The following ANO4 variants were observed in gnomAD, a reference collection of about 807,000 sequenced individuals.
ANO4 encodes the protein anoctamin-4.
In ANO4, 69 loss-of-function variants were observed where a neutral mutation model predicts 141.9. The observed-to-expected ratio is 0.49, with a 90% CI of 0.40 to 0.59. The LOEUF (loss-of-function observed/expected upper bound fraction) is 0.59. Among genes scored for constraint, ANO4 ranks in the 20% least tolerant of loss-of-function variants. The pLI, the probability that ANO4 is intolerant of heterozygous loss-of-function variation, is 0.00. For synonymous variants in ANO4, 350 were observed against 394.3 expected (o/e 0.89, Z 1.33); for missense variants, 894 against 1,162.2 (o/e 0.77, Z 3.36).
At chr12:100,964,734 C>T (rs756786996) in intron 5 of ANO4, among the ~76,000 whole-genome samples, 1 of 152,186 alleles carries the variant, frequency 6.6e-6, no homozygotes, top group Non-Finnish European at 1.5e-5. Context: ...TGCTCTCTCC[C>T]TGTGTAATAG....
At chr12:100,818,735 A>G (rs563196715) in intron 1 of ANO4, among the ~76,000 whole-genome samples, 1 of 151,990 alleles carries the variant, frequency 6.6e-6, no homozygotes, top group East Asian at 1.9e-4. Flanking sequence ...GTAGTTCTCA[A>G]CAAATCGTGA....
At chr12:101,080,886 T>TAC (rs1469769311) in intron 15 of ANO4, among the ~76,000 whole-genome samples, 1 of 131,408 alleles carries the variant, frequency 7.6e-6, no homozygotes, top group African/African-American at 2.8e-5. Flanking sequence ...ATATATATTA[T>TAC]ATATATATAT....
intron 1 of ANO4, among the ~76,000 whole-genome samples, chr12:100,818,789 T>G (rs1565903229): frequency 6.6e-6 from 1 of 151,906 alleles, no homozygotes; most frequent in East Asian, 1.9e-4. Context: ...GAGATATTTT[T>G]GATTGTCATA....
intron 3 of ANO4, among the ~76,000 whole-genome samples, chr12:100,754,701 G>A (rs556527123): frequency 2.6e-5 from 4 of 152,232 alleles, no homozygotes; most frequent in South Asian, 4.2e-4. Context: ...ACAAAATGTG[G>A]TATAATATAT....
chr12:100,778,312 G>T (rs1194122630), intron 3 of ANO4, among the ~76,000 whole-genome samples: 1 of 152,160 alleles, frequency 6.6e-6, no homozygotes, highest in African/African-American at 2.4e-5. Context: ...ACAAGTGGGG[G>T]TGAATGTATG....
rs73379494 is a variant in ANO4 at position 101,102,175 on chromosome 12, C to A, written c.2149+2455C>A. ...CAAATTTAGGCTCTTATAAATAATA[C>A]CTTTACGGCATTTTTGTACATGTAT... On this transcript the variant is annotated intron_variant, in intron 22 of 27. Transcript: ENST00000392977. Among the ~76,000 whole-genome samples the A allele has an allele frequency of 2.3e-3, 350 of 152,154 alleles. 2 individuals carry two copies. Among genetic ancestry groups the A allele is most frequent in the African/African-American group, 8.4e-3 (347 of 41,522 alleles).
intron 3 of ANO4, among the ~76,000 whole-genome samples, chr12:100,934,703 T>G (rs2042214973): frequency 6.6e-6 from 1 of 152,222 alleles, no homozygotes; most frequent in Admixed American, 6.5e-5. Context: ...TTTCATGATA[T>G]TGACTCTTCC....
At chr12:100,883,230 A>G (rs1421190546) in intron 1 of ANO4, among the ~76,000 whole-genome samples, 1 of 152,234 alleles carries the variant, frequency 6.6e-6, no homozygotes, top group African/African-American at 2.4e-5. Flanking sequence ...AGCTCCAATT[A>G]TCTGAGCAAT....
chr12:100,753,570 C>T (rs901359191), intron 3 of ANO4, among the ~76,000 whole-genome samples: 1 of 152,168 alleles, frequency 6.6e-6, no homozygotes, highest in African/African-American at 2.4e-5. Flanking sequence ...TTGCAGGCAG[C>T]CTGCTCTGCC....
intron 17 of ANO4, among the ~76,000 whole-genome samples, chr12:101,090,941 A>G (rs368422347): frequency 9.2e-5 from 14 of 152,292 alleles, no homozygotes; most frequent in African/African-American, 2.9e-4. Flanking sequence ...AGACGGGAGC[A>G]TAGGGAGTGG....
chr12:100,743,686 A>G (rs895260665), intron 3 of ANO4, among the ~76,000 whole-genome samples: 1 of 152,234 alleles, frequency 6.6e-6, no homozygotes, highest in African/African-American at 2.4e-5. Context: ...TCATAGAAAA[A>G]GAGTAAAACT....
chr12:100,838,579 GAATAC>G (rs2037070933), intron 1 of ANO4, among the ~76,000 whole-genome samples: 1 of 152,102 alleles, frequency 6.6e-6, no homozygotes. Flanking sequence ...GTGCTGTTGG[GAATAC>G]ATATGGTAAA....
At chr12:100,992,046 C>T (rs1008394145) in intron 8 of ANO4, among the ~76,000 whole-genome samples, 5 of 152,292 alleles carry the variant, frequency 3.3e-5, no homozygotes, top group East Asian at 1.9e-4. Flanking sequence ...TACATCTCCA[C>T]GGATTGATGA....
At chr12:101,026,168 G>A (rs1247118007) in intron 9 of ANO4, among the ~76,000 whole-genome samples, 1 of 152,166 alleles carries the variant, frequency 6.6e-6, no homozygotes, top group Non-Finnish European at 1.5e-5. Context: ...ATAGGTGAAT[G>A]TAGCTAGGTT....
chr12:100,844,674 G>A (rs563744931), intron 1 of ANO4, among the ~76,000 whole-genome samples: 1 of 152,188 alleles, frequency 6.6e-6, no homozygotes, highest in Admixed American at 6.5e-5. Context: ...AAAGGTAGAG[G>A]AGCTGGCTTT....
At chr12:101,007,523 A>G (rs1478370312) in intron 8 of ANO4, among the ~76,000 whole-genome samples, 1 of 152,196 alleles carries the variant, frequency 6.6e-6, no homozygotes, top group African/African-American at 2.4e-5. Flanking sequence ...TAAGAATTCT[A>G]AGGCTTAGAG....
intron 10 of ANO4, chr12:101,039,126 C>G (rs925396522): frequency 6.6e-6 from 1 of 152,166 alleles, no homozygotes; most frequent in Non-Finnish European, 1.5e-5. Flanking sequence ...TGACTTCCAG[C>G]TTTTACATTC....
intron 17 of ANO4, among the ~76,000 whole-genome samples, chr12:101,090,229 C>T (rs187306769): frequency 1.2e-4 from 19 of 152,256 alleles, no homozygotes; most frequent in African/African-American, 4.3e-4. Flanking sequence ...ACCATTTGGC[C>T]CAGCCATCCC....
At chr12:100,948,066 C>T (rs866397821) in intron 5 of ANO4, among the ~76,000 whole-genome samples, 9 of 148,318 alleles carry the variant, frequency 6.1e-5, no homozygotes, top group African/African-American at 7.5e-5. Context: ...TGGTGGCGGA[C>T]GCCTGTAGTC....
Sources: gnomAD v4.1 joint callset for allele counts (sites outside exome capture counted in the v4.1 genomes callset) on GRCh38, gnomAD v4.1.1 for gene constraint, MANE v1.5 for transcripts, NCBI Gene and HGNC (gene_info 2026-07-23, HGNC 2026-07-21) for gene names.